COL25A1: variants seen among roughly 807,000 people sequenced by gnomAD.
COL25A1 encodes collagen alpha-1(XXV) chain.
COL25A1 carries 103 observed loss-of-function variants against 128.4 expected under a neutral mutation model. The observed-to-expected ratio is 0.80, with a 90% CI of 0.68 to 0.94. COL25A1 has a LOEUF of 0.94. Among genes scored for constraint, COL25A1 ranks in the 40% least tolerant of loss-of-function variants. The pLI is 0.00. For synonymous variants in COL25A1, 279 were observed against 277.2 expected (o/e 1.01, Z -0.06); for missense variants, 745 against 840.0 (o/e 0.89, Z 1.40).
chr4:108,944,674 G>C (rs946375266), intron 8 of COL25A1, among the ~76,000 whole-genome samples: 2 of 151,478 alleles, frequency 1.3e-5, no homozygotes, highest in Non-Finnish European at 2.9e-5. Flanking sequence ...CTTTCTATTT[G>C]ATCGTATTTT....
intron 5 of COL25A1, among the ~76,000 whole-genome samples, chr4:109,025,505 T>C (rs1016252778): frequency 1.3e-5 from 2 of 152,220 alleles, no homozygotes; most frequent in African/African-American, 4.8e-5. Flanking sequence ...AAAGACAGAC[T>C]TGACAATGCT....
chr4:108,914,563 T>C (rs1744639142), intron 13 of COL25A1, among the ~76,000 whole-genome samples: 1 of 152,168 alleles, frequency 6.6e-6, no homozygotes, highest in Admixed American at 6.5e-5. Context: ...CCTCTATGTG[T>C]ATTTCTGCAT....
intron 3 of COL25A1, among the ~76,000 whole-genome samples, chr4:109,206,911 G>A (rs111653437): frequency 1.3e-4 from 20 of 152,244 alleles, no homozygotes; most frequent in African/African-American, 4.3e-4. Flanking sequence ...AGCTGAGCTT[G>A]GCCTCCAACT....
intron 6 of COL25A1, among the ~76,000 whole-genome samples, chr4:109,002,301 G>A (rs1364406499): frequency 1.3e-5 from 2 of 152,186 alleles, no homozygotes; most frequent in Non-Finnish European, 2.9e-5. Context: ...TCAAGATATG[G>A]AATCAACCTA....
At chr4:108,937,335 ATT>A (rs11296982) in intron 11 of COL25A1, among the ~76,000 whole-genome samples, 2,587 of 146,958 alleles carry the variant, frequency 0.018, 70 homozygotes, top group African/African-American at 0.059. Flanking sequence ...TTTCAGGACC[ATT>A]TTTTTTTTTT....
intron 3 of COL25A1, among the ~76,000 whole-genome samples, chr4:109,203,945 C>T (rs1275893497): frequency 6.6e-6 from 1 of 152,124 alleles, no homozygotes; most frequent in Non-Finnish European, 1.5e-5. Context: ...AGGGAAGATA[C>T]ACTTGTGTTT....
chr4:108,975,168 G>A (rs1180074856), intron 6 of COL25A1, among the ~76,000 whole-genome samples: 4 of 152,122 alleles, frequency 2.6e-5, no homozygotes, highest in Non-Finnish European at 5.9e-5. Context: ...ATAAAAATAC[G>A]CTATGGCCAG....
chr4:109,040,527 T>C (rs1416824325), intron 5 of COL25A1, among the ~76,000 whole-genome samples: 2 of 152,252 alleles, frequency 1.3e-5, no homozygotes, highest in African/African-American at 2.4e-5. Flanking sequence ...CAGCACTTTA[T>C]TTTCAAGTGG....
At chr4:109,111,903 T>A (rs1180489749) in intron 3 of COL25A1, among the ~76,000 whole-genome samples, 1 of 152,144 alleles carries the variant, frequency 6.6e-6, no homozygotes, top group Non-Finnish European at 1.5e-5. Flanking sequence ...AAAATGGTAG[T>A]TCAATAGCAT....
At chr4:109,035,536 G>A (rs1759252659) in intron 5 of COL25A1, among the ~76,000 whole-genome samples, 1 of 152,016 alleles carries the variant, frequency 6.6e-6, no homozygotes, top group Middle Eastern at 3.2e-3. Context: ...TTAGTTATTG[G>A]AATTTCTAGA....
At chr4:109,043,437 T>G (rs1416130176) in intron 5 of COL25A1, among the ~76,000 whole-genome samples, 1 of 152,054 alleles carries the variant, frequency 6.6e-6, no homozygotes, top group Admixed American at 6.6e-5. Context: ...AGCTGACAAT[T>G]GTTAAAGGTG....
intron 3 of COL25A1, among the ~76,000 whole-genome samples, chr4:109,208,370 T>A (rs1777179239): frequency 6.6e-6 from 1 of 152,080 alleles, no homozygotes; most frequent in Admixed American, 6.6e-5. Context: ...AGTCTCTTTT[T>A]AGCAGACGCT....
intron 19 of COL25A1, among the ~76,000 whole-genome samples, chr4:108,871,620 T>G (rs1295030930): frequency 6.6e-6 from 1 of 152,144 alleles, no homozygotes; most frequent in African/African-American, 2.4e-5. Context: ...CGGGCCTGAT[T>G]GGCTAATTTT....
intron 5 of COL25A1, among the ~76,000 whole-genome samples, chr4:109,014,109 C>CAG (rs1714128468): frequency 6.6e-6 from 1 of 152,066 alleles, no homozygotes; most frequent in Non-Finnish European, 1.5e-5. Flanking sequence ...GGGTTTGAGA[C>CAG]TAGCCTGGCA....
chr4:108,903,316 G>A (rs1054207428), intron 13 of COL25A1, among the ~76,000 whole-genome samples: 3 of 151,792 alleles, frequency 2.0e-5, no homozygotes, highest in African/African-American at 7.3e-5. Context: ...TCTCCTTCTG[G>A]TCTTTGATAT....
intron 5 of COL25A1, among the ~76,000 whole-genome samples, chr4:109,020,515 G>C (rs955629577): frequency 6.6e-5 from 9 of 136,734 alleles, no homozygotes; most frequent in African/African-American, 1.6e-4. Context: ...ATGGGGGGGG[G>C]GGGGTTCAAC....
intron 8 of COL25A1, among the ~76,000 whole-genome samples, chr4:108,949,729 G>C (rs1466231185): frequency 6.6e-6 from 1 of 151,970 alleles, no homozygotes; most frequent in Non-Finnish European, 1.5e-5. Context: ...TAAAGACAGG[G>C]TTTCACCACG....
At chr4:109,252,781 G>A (rs1780752055) in intron 3 of COL25A1, among the ~76,000 whole-genome samples, 1 of 152,124 alleles carries the variant, frequency 6.6e-6, no homozygotes, top group African/African-American at 2.4e-5. Context: ...TGCCCACTAG[G>A]CGAGTTTCCC....
chr4:109,289,451 C>G (rs1724246063), intron 3 of COL25A1, among the ~76,000 whole-genome samples: 1 of 151,932 alleles, frequency 6.6e-6, no homozygotes, highest in Admixed American at 6.6e-5. Context: ...TATATTTTAA[C>G]AGTAATTTTT....
Sources: gnomAD v4.1 joint callset for allele counts (sites outside exome capture counted in the v4.1 genomes callset) on GRCh38, gnomAD v4.1.1 for gene constraint, MANE v1.5 for transcripts, NCBI Gene and HGNC (gene_info 2026-07-23, HGNC 2026-07-21) for gene names.